The following SCFD2 variants were observed in gnomAD, a reference collection of about 807,000 sequenced individuals.
SCFD2 encodes the protein sec1 family domain-containing protein 2.
Under a neutral mutation model 58.9 loss-of-function variants are expected in SCFD2, and 54 were observed. The ratio of observed to expected loss-of-function variants is 0.92; its 90% CI spans 0.74 to 1.15. SCFD2 has a LOEUF of 1.15. Among genes scored for constraint, SCFD2 ranks in the 50% most tolerant of loss-of-function variants. The pLI is 0.00. For missense variants in SCFD2, 805 were observed against 836.6 expected (o/e 0.96, Z 0.47); for synonymous variants, 321 against 335.9 (o/e 0.96, Z 0.49).
intron 2 of SCFD2, among the ~76,000 whole-genome samples, chr4:53,330,792 C>T (rs1027209881): frequency 2.6e-5 from 4 of 152,026 alleles, no homozygotes; most frequent in Non-Finnish European, 5.9e-5. Flanking sequence ...TTAAAAGACA[C>T]AGACTGGCAA....
chr4:53,174,760 C>T (rs915554781), intron 4 of SCFD2, among the ~76,000 whole-genome samples: 8 of 152,136 alleles, frequency 5.3e-5, no homozygotes, highest in East Asian at 1.9e-4. Context: ...AGTAAATTCA[C>T]GACAAAGTGG....
chr4:52,972,269 C>T (rs1193447646), intron 5 of SCFD2, among the ~76,000 whole-genome samples: 2 of 152,082 alleles, frequency 1.3e-5, no homozygotes, highest in Admixed American at 6.5e-5. Flanking sequence ...ATTCAGGAAA[C>T]CCATCTCATG....
intron 5 of SCFD2, among the ~76,000 whole-genome samples, chr4:53,123,667 C>G (rs144048185): frequency 2.6e-5 from 4 of 152,290 alleles, no homozygotes; most frequent in South Asian, 2.1e-4. Flanking sequence ...AACTCTCACC[C>G]CACTCATTGA....
chr4:53,252,140 T>A (rs891703070), intron 4 of SCFD2, among the ~76,000 whole-genome samples: 8 of 143,360 alleles, frequency 5.6e-5, no homozygotes, highest in African/African-American at 1.5e-4. Flanking sequence ...CACAATTGCT[T>A]CAAAGAGAAT....
At chr4:53,171,788 T>C (rs1326663196) in intron 4 of SCFD2, among the ~76,000 whole-genome samples, 1 of 151,978 alleles carries the variant, frequency 6.6e-6, no homozygotes, top group Admixed American at 6.6e-5. Flanking sequence ...GTATAATTGT[T>C]CATGGTAATC....
chr4:53,209,323 T>C (rs1284904718), intron 4 of SCFD2, among the ~76,000 whole-genome samples: 1 of 152,162 alleles, frequency 6.6e-6, no homozygotes, highest in Non-Finnish European at 1.5e-5. Context: ...GGAAAGCTTC[T>C]CCTTTGAGTA....
chr4:53,317,015 G>C (rs140874152), intron 2 of SCFD2, among the ~76,000 whole-genome samples: 2,534 of 151,536 alleles, frequency 0.017, 79 homozygotes, highest in African/African-American at 0.058. Context: ...GTTGAGGCAG[G>C]AGAATCGTTT....
At chr4:53,263,493 C>T (rs553873048) in intron 4 of SCFD2, among the ~76,000 whole-genome samples, 93 of 152,304 alleles carry the variant, frequency 6.1e-4, no homozygotes, top group African/African-American at 1.8e-3. Flanking sequence ...TTCCTGAGAG[C>T]TGCACTACAG....
intron 5 of SCFD2, among the ~76,000 whole-genome samples, chr4:53,080,618 C>CA (rs199500016): frequency 0.011 from 1,735 of 152,022 alleles, 18 homozygotes; most frequent in Middle Eastern, 0.034. Flanking sequence ...CTCTCTGGCC[C>CA]AAAAAGAAGT....
chr4:53,035,228 A>T (rs1415306778), intron 5 of SCFD2, among the ~76,000 whole-genome samples: 1 of 152,216 alleles, frequency 6.6e-6, no homozygotes, highest in African/African-American at 2.4e-5. Context: ...TGGCAAAAAG[A>T]TTCCCTATTT....
intron 3 of SCFD2, among the ~76,000 whole-genome samples, chr4:53,301,557 T>C (rs1398812724): frequency 6.6e-6 from 1 of 152,142 alleles, no homozygotes; most frequent in Non-Finnish European, 1.5e-5. Flanking sequence ...TCTGAAACTA[T>C]TCCAATCAAT....
At chr4:52,963,670 T>G (rs1720900921) in intron 5 of SCFD2, among the ~76,000 whole-genome samples, 1 of 152,214 alleles carries the variant, frequency 6.6e-6, no homozygotes. Context: ...GCCATGATTA[T>G]TTATTTTTCC....
chr4:53,074,431 C>G (rs1723911416), intron 5 of SCFD2, among the ~76,000 whole-genome samples: 1 of 152,112 alleles, frequency 6.6e-6, no homozygotes, highest in African/African-American at 2.4e-5. Flanking sequence ...TTTTCACCTC[C>G]TCCCATGAAT....
intron 7 of SCFD2, among the ~76,000 whole-genome samples, chr4:52,898,662 A>G (rs1719093237): frequency 6.6e-6 from 1 of 152,200 alleles, no homozygotes; most frequent in Admixed American, 6.5e-5. Context: ...GTAGGTGTCT[A>G]TTAGGTCTGC....
At chr4:53,338,574 TC>T in intron 2 of SCFD2, among the ~76,000 whole-genome samples, 1 of 73,162 alleles carries the variant, frequency 1.4e-5, no homozygotes, top group African/African-American at 4.7e-5. Context: ...AGTATATTTT[TC>T]TTTTTTTTTT....
chr4:53,243,643 A>G (rs890626915), intron 4 of SCFD2, among the ~76,000 whole-genome samples: 2 of 152,096 alleles, frequency 1.3e-5, no homozygotes, highest in Admixed American at 6.5e-5. Context: ...TAACCTTGCA[A>G]GTAAATGAGC....
At chr4:53,095,905 T>C (rs1724613204) in intron 5 of SCFD2, among the ~76,000 whole-genome samples, 1 of 152,052 alleles carries the variant, frequency 6.6e-6, no homozygotes, top group South Asian at 2.1e-4. Context: ...GTGTGTGATG[T>C]TCCCCTTCCT....
chr4:53,319,941 A>C (rs769340560), intron 2 of SCFD2, among the ~76,000 whole-genome samples: 162 of 152,344 alleles, frequency 1.1e-3, no homozygotes, highest in Non-Finnish European at 2.0e-3. Context: ...CAGGTCCACC[A>C]CTGGAAGTGC....
At chr4:53,275,559 T>C (rs1345809458) in intron 3 of SCFD2, among the ~76,000 whole-genome samples, 2 of 152,234 alleles carry the variant, frequency 1.3e-5, no homozygotes, top group South Asian at 2.1e-4. Flanking sequence ...TTTTCTAGTG[T>C]ACAGTTCTAT....
Sources: allele counts gnomAD v4.1 joint callset (sites outside exome capture counted in the v4.1 genomes callset), GRCh38; gene constraint gnomAD v4.1.1; transcripts MANE v1.5; gene names NCBI Gene and HGNC (gene_info 2026-07-23, HGNC 2026-07-21).